FBRS: variants seen among roughly 807,000 people sequenced by gnomAD.
FBRS encodes probable fibrosin-1.
In FBRS, 15 loss-of-function variants were observed where a neutral mutation model predicts 86.1. The ratio of observed to expected loss-of-function variants is 0.17; its 90% confidence interval spans 0.12 to 0.27. FBRS has a LOEUF of 0.27. Among genes scored for constraint, FBRS ranks in the 10% least tolerant of loss-of-function variants. FBRS has a pLI of 1.00. For synonymous variants in FBRS, 666 were observed against 575.8 expected (o/e 1.16, Z -2.24); for missense variants, 1,367 against 1,301.6 (o/e 1.05, Z -0.77).
In FBRS at chr16:30,659,815, T is replaced by G. The variant is rs1280331671; in HGVS notation, c.297T>G (p.Pro99=). The G allele has an allele frequency of 7.2e-6, 11 of 1,517,608 alleles. No individual in the cohort carries two copies. The highest frequency in any genetic ancestry group is 9.7e-6 in the Non-Finnish European group (11 of 1,137,158). 94.0% of individuals were successfully genotyped at this position (1,517,608 alleles called of 1,614,324 possible). A position where few individuals can be genotyped will look rare whatever the true frequency, so the allele number is the denominator to read the frequency against. The stretch of plus-strand genomic sequence containing the variant: ...CGCGACCCCGAGCTCGGAAGCGGCC[T>G]GCCGGCTCGGGCAGCCGCGGGGAGG... ...RPPRPRARKR[P]AGSGSRGEEE... Residue 99 remains proline (P), a synonymous_variant, in exon 1 of 18, where the codon CCT becomes CCG. Transcript: ENST00000356166.
In FBRS at chr16:30,669,037, A is replaced by G; in HGVS notation, c.2367-32A>G. ...CCCTCAGCCCCTGCTGCCCCTGGAG[A>G]ACTTCATTCTCTCCCCACGCCTGCC... is the stretch of plus-strand genomic sequence containing the variant. On this transcript the variant is annotated intron_variant, in intron 17 of 17. Transcript: ENST00000356166. This position sits in a 1 kb window ranked among gnomAD's most constrained non-coding sequence, Gnocchi z 5.9. 7.5e-7 allele frequency: 1 copy of G among 1,341,598 alleles called. No individual in the cohort carries two copies. The highest frequency in any genetic ancestry group is 9.8e-7 in the Non-Finnish European group (1 of 1,018,932). 83.1% of individuals were successfully genotyped at this position (1,341,598 alleles called of 1,614,324 possible).
rs1319402299 is a variant in FBRS, at chr16:30,662,742, C to T, written c.938C>T (p.Pro313Leu). 6.5e-7 allele frequency: 1 copy of T among 1,535,620 alleles called. No homozygotes were observed. Among genetic ancestry groups the T allele is most frequent in the Non-Finnish European group, 8.8e-7 (1 of 1,137,548 alleles). ...CGGCCTCCTGTCTCACCCCCTGCAC[C>T]CCTGCCGGCCACTCCCAGTCTGCCA... ...VPRPPVSPPA[P>L]LPATPSLPPP... The change falls in exon 6 of 18, where the codon CCC (proline) becomes CTC (leucine). Residue 313 changes from proline to leucine, a missense_variant. Around this residue, in one of 3 missense-constraint regions of FBRS, gnomAD observed 702 missense variants for 598.7 expected, o/e 1.17. Transcript: ENST00000356166.
rs2052434676 is a variant in FBRS at position 30,659,844 on chromosome 16, A to G, written c.326A>G (p.Glu109Gly). The G allele has an allele frequency of 7.3e-7, 1 of 1,373,382 alleles. No individual in the cohort carries two copies. The highest frequency in any genetic ancestry group is 9.7e-7 in the Non-Finnish European group (1 of 1,031,682). The allele number at this position is 1,373,382 out of a possible 1,614,324, so 85.1% of individuals were successfully genotyped here. A position where few individuals can be genotyped will look rare whatever the true frequency, so the allele number is the denominator to read the frequency against. The change falls in exon 1 of 18, where the codon GAG (glutamate) becomes GGG (glycine). Residue 109 changes from glutamate (E) to glycine (G), a missense_variant. This residue lies in a region of FBRS where 702 missense variants were observed against 598.7 expected (regional missense o/e 1.17). Coordinates refer to ENST00000356166, the MANE Select transcript of FBRS (RefSeq NM_001105079.3). The stretch of plus-strand genomic sequence containing the variant: ...GGCTCGGGCAGCCGCGGGGAGGAAG[A>G]GGAGGAGGAGGAGGAGGAGGGGGGC... The part of the protein sequence containing the change: ...PAGSGSRGEE[E>G]EEEEEEGGAD...
chr16:30,666,450 C>G lies in FBRS; in HGVS notation c.1774-62C>G. 2.5e-6 allele frequency: 4 copies of G among 1,604,494 alleles called. No homozygotes were observed. The South Asian group carries it at 3.3e-5, about 13-fold the overall frequency. ...GGGGTGAGTGGATGCTGTGGAGATG[C>G]GAGGCGCCTGGCCCAGGACTCGGGT... is the stretch of plus-strand genomic sequence containing the variant. On this transcript the variant is annotated intron_variant, in intron 11 of 17. Transcript: ENST00000356166.
chr16:30,660,218 G>C, intron 1 of FBRS, 45 bp from the exon 2 acceptor site: 1 of 1,334,488 alleles, frequency 7.5e-7, no homozygotes. Flanking sequence ...GGGGTTGGGA[G>C]CTTGCCCTTT....
chr16:30,668,936 G>A lies in FBRS; in HGVS notation c.2323G>A (p.Val775Met), dbSNP rs1172204926. Residue 775 changes from valine (V) to methionine (M), a missense_variant, in exon 17 of 18, where the codon GTG becomes ATG. By Grantham distance (21) the Val-to-Met change is conservative. Transcript: ENST00000356166. ...TCCAGGCTCAGACAAGGAGCGGCCTGTGGAGCGGAGGGAGCCCTCCATCAC... is the reference window on the plus strand; with the variant it reads ...TCCAGGCTCAGACAAGGAGCGGCCTATGGAGCGGAGGGAGCCCTCCATCAC... ...RTPGSDKERP[V>M]ERREPSITKE... is the part of the protein sequence containing the mutation. 1 of 1,589,688 alleles carries A rather than the reference G, an allele frequency of 6.3e-7. No individual in the cohort carries two copies. Among genetic ancestry groups the A allele is most frequent in the African/African-American group, 1.3e-5 (1 of 74,564 alleles).
Position 30,665,422 on chromosome 16 carries a change from C to T in FBRS, c.1704+21C>T. 2.6e-6 allele frequency: 4 copies of T among 1,551,170 alleles called. No individual in the cohort carries two copies. The South Asian group carries it at 4.7e-5, about 18-fold the overall frequency. ...CCAAGGTGAGCTCCCAATCCAGACA[C>T]CACCACCGCCTACCATCTTGACAAA... On this transcript the variant is annotated intron_variant, in intron 10 of 17. Coordinates refer to ENST00000356166, the MANE Select transcript of FBRS (RefSeq NM_001105079.3). This position sits in a 1 kb window ranked among gnomAD's most constrained non-coding sequence, Gnocchi z 4.1.
At chr16:30,661,804 T>G (rs569340293) in intron 4 of FBRS, among the ~76,000 whole-genome samples, 142 of 152,274 alleles carry the variant, frequency 9.3e-4, no homozygotes, top group South Asian at 3.1e-3. Flanking sequence ...TGTGAGATAG[T>G]ATGTCCTAGA....
intron 15 of FBRS, 83 bp from the exon 16 acceptor site, chr16:30,668,477 G>A (rs753804557): frequency 6.8e-5 from 85 of 1,252,608 alleles, no homozygotes; most frequent in African/African-American, 8.9e-5. Context: ...TCCAGGCACC[G>A]GTCCTGCCTC....
Position 30,659,592 on chromosome 16 carries a change from C to A in FBRS, c.74C>A (p.Ser25Ter). The A allele has an allele frequency of 2.8e-6, 1 of 352,462 alleles. No individual in the cohort carries two copies. The highest frequency in any genetic ancestry group is 1.3e-4 in the South Asian group (1 of 7,932). The allele number at this position is 352,462 out of a possible 1,614,324, so 21.8% of individuals were successfully genotyped here. ...AEGERRRRRCSRRDRDREQRR... is the reference protein window; with the variant it reads ...AEGERRRRRC The stretch of plus-strand genomic sequence containing the variant: ...GGGGAGCGCCGACGGCGGCGCTGCT[C>A]GCGCCGAGACCGAGACCGGGAGCAG... Residue 25 changes from serine (S) to a stop codon, truncating the protein, a stop_gained, in exon 1 of 18, where the codon TCG (serine) becomes TAG (stop). Transcript: ENST00000356166. LOFTEE classifies it high-confidence loss of function.
chr16:30,661,382 G>C, intron 4 of FBRS, 49 bp downstream of exon 4: 3 of 1,550,608 alleles, frequency 1.9e-6, no homozygotes, highest in South Asian at 1.2e-5. Flanking sequence ...TTGTAAAAGG[G>C]ACTGCAGCAT....
intron 13 of FBRS, 50 bp from the exon 14 acceptor site, chr16:30,667,270 G>A (rs1247971597): frequency 2.1e-5 from 29 of 1,391,906 alleles, no homozygotes; most frequent in Non-Finnish European, 2.7e-5. Flanking sequence ...AGCAAGAGGG[G>A]GACCAGACTG....
chr16:30,663,012 T>A (rs2151267998), intron 6 of FBRS, 153 bp downstream of exon 6: 1 of 1,251,090 alleles, frequency 8.0e-7, no homozygotes, highest in African/African-American at 1.5e-5. Context: ...CTGCAGGACT[T>A]ATTTGAGTCC....
In FBRS at chr16:30,659,813, C is replaced by T; in HGVS notation, c.295C>T (p.Pro99Ser). The change falls in exon 1 of 18, where the codon CCT (proline) becomes TCT (serine). Residue 99 changes from proline to serine, a missense_variant. Pro to Ser is a moderately conservative substitution (Grantham distance 74, BLOSUM62 -1). Around this residue, in one of 3 missense-constraint regions of FBRS, gnomAD observed 702 missense variants for 598.7 expected, o/e 1.17. Transcript: ENST00000356166. ...RPPRPRARKR[P>S]AGSGSRGEEE... Reference sequence around the variant, plus strand: ...CCCGCGACCCCGAGCTCGGAAGCGGCCTGCCGGCTCGGGCAGCCGCGGGGA... The same window carrying T: ...CCCGCGACCCCGAGCTCGGAAGCGGTCTGCCGGCTCGGGCAGCCGCGGGGA... The T allele has an allele frequency of 6.6e-7, 1 of 1,515,958 alleles. No homozygotes were observed. The highest frequency in any genetic ancestry group is 2.5e-5 in the East Asian group (1 of 39,906). The allele number at this position is 1,515,958 out of a possible 1,614,324, so 93.9% of individuals were successfully genotyped here.
chr16:30,662,496 C>T, intron 5 of FBRS, 28 bp downstream of exon 5: 2 of 1,550,608 alleles, frequency 1.3e-6, no homozygotes, highest in South Asian at 1.2e-5. Flanking sequence ...GGGCTGGAGG[C>T]ACGGGAGGGC....
chr16:30,666,261 G>A, intron 11 of FBRS: 1 of 595,466 alleles, frequency 1.7e-6, no homozygotes, highest in African/African-American at 1.9e-5. Context: ...AACCTGTCCT[G>A]CCTGCCCCCT....
intron 15 of FBRS, chr16:30,668,337 G>T (rs2052545913): frequency 1.9e-6 from 1 of 531,188 alleles, no homozygotes; most frequent in African/African-American, 1.9e-5. Flanking sequence ...TCATCTTCAA[G>T]TGGGCATGAT....
Position 30,665,103 on chromosome 16 carries a change from T to A in FBRS, c.1608+24T>A. The A allele has an allele frequency of 6.2e-7, 1 of 1,610,180 alleles. No homozygotes were observed. The highest frequency in any genetic ancestry group is 1.3e-5 in the African/African-American group (1 of 74,996). On this transcript the variant is annotated intron_variant, in intron 9 of 17. Transcript: ENST00000356166. The surrounding 1 kb of genome is among the most constrained non-coding windows in gnomAD (Gnocchi z 4.1). ...ATGTGAGTGTGTGTGTGCGTGTGCG[T>A]ATGGGGTGTGTGGTGTGGGCGTGGA...
chr16:30,665,044 T>C lies in FBRS; in HGVS notation c.1573T>C (p.Tyr525His). 1 of 1,613,680 alleles carries C rather than the reference T, an allele frequency of 6.2e-7. No individual in the cohort carries two copies. The highest frequency in any genetic ancestry group is 8.5e-7 in the Non-Finnish European group (1 of 1,179,778). ...PPHGPHMFEK[Y>H]PGKMEGLFRH... ...CCCTTCTCTTCCCTAGTTTGAGAAA[T>C]ATCCAGGAAAGATGGAAGGCCTTTT... Residue 525 changes from tyrosine (Y) to histidine (H), a missense_variant, in exon 9 of 18, where the codon TAT (tyrosine) becomes CAT (histidine). Coordinates refer to ENST00000356166, the MANE Select transcript of FBRS (RefSeq NM_001105079.3). This position sits in a 1 kb window ranked among gnomAD's most constrained non-coding sequence, Gnocchi z 4.1.
Sources: allele counts gnomAD v4.1 joint callset (sites outside exome capture counted in the v4.1 genomes callset), GRCh38; gene constraint gnomAD v4.1.1; regional missense constraint gnomAD v4.1.1; non-coding constraint Gnocchi (gnomAD v3.1); transcripts MANE v1.5; gene names NCBI Gene and HGNC (gene_info 2026-07-23, HGNC 2026-07-21).